Variants in TBC1D10A observed in about 807,000 individuals in gnomAD.
TBC1D10A encodes the protein TBC1 domain family member 10A.
Under a neutral mutation model 52.9 loss-of-function variants are expected in TBC1D10A, and 24 were observed. The observed-to-expected ratio is 0.45, with a 90% confidence interval of 0.33 to 0.64. The LOEUF is 0.64. Ranked by LOEUF, TBC1D10A falls within the 30% of genes least tolerant of loss-of-function variation. TBC1D10A has a pLI of 0.02. For missense variants in TBC1D10A, 602 were observed against 687.9 expected, an observed-to-expected ratio of 0.88 and a Z score of 1.40; for synonymous variants, 278 against 282.9, an observed-to-expected ratio of 0.98 and a Z score of 0.17.
intron 1 of TBC1D10A, among the ~76,000 whole-genome samples, chr22:30,321,513 G>T (rs908780221): frequency 6.6e-6 from 1 of 152,244 alleles, no homozygotes; most frequent in Non-Finnish European, 1.5e-5. Context: ...CCAGTTCTAT[G>T]ATTTCCAAAG....
chr22:30,313,512 T>C (rs954811708), intron 1 of TBC1D10A, among the ~76,000 whole-genome samples: 3 of 148,898 alleles, frequency 2.0e-5, no homozygotes, highest in African/African-American at 7.5e-5. Context: ...GCCTCCTGAG[T>C]AGCTGGGACT....
At chr22:30,320,125 C>G (rs1930622703) in intron 1 of TBC1D10A, among the ~76,000 whole-genome samples, 1 of 152,186 alleles carries the variant, frequency 6.6e-6, no homozygotes. Context: ...TACAAAGTAA[C>G]ACTTCTTCCA....
chr22:30,310,909 G>A (rs2032483440), intron 1 of TBC1D10A, among the ~76,000 whole-genome samples: 2 of 152,190 alleles, frequency 1.3e-5, no homozygotes, highest in African/African-American at 4.8e-5. Context: ...GAGAAAGGCA[G>A]GGGTGAATAA....
intron 1 of TBC1D10A, among the ~76,000 whole-genome samples, chr22:30,321,622 A>G (rs1930654074): frequency 6.6e-6 from 1 of 152,204 alleles, no homozygotes; most frequent in Non-Finnish European, 1.5e-5. Context: ...CCTTGCTCCC[A>G]TAACAGGAAG....
At chr22:30,296,676 G>A (rs961631956) in intron 3 of TBC1D10A, 1 of 152,124 alleles carries the variant, frequency 6.6e-6, no homozygotes, top group African/African-American at 2.4e-5. Context: ...ATCTTTTCTT[G>A]GTCATTTGAA....
At chr22:30,294,915 C>G (rs77539689) in intron 5 of TBC1D10A, 26 bp downstream of exon 5, 15 of 1,613,900 alleles carry the variant, frequency 9.3e-6, no homozygotes, top group South Asian at 5.5e-5. Flanking sequence ...CACCCACCCC[C>G]CTGCCTGCCC....
At chr22:30,316,936 G>C (rs1930549806) in intron 1 of TBC1D10A, among the ~76,000 whole-genome samples, 1 of 152,126 alleles carries the variant, frequency 6.6e-6, no homozygotes, top group African/African-American at 2.4e-5. Context: ...CTACTCAGGA[G>C]GCTGAGGTGG....
At chr22:30,314,580 C>T (rs1278533828) in intron 1 of TBC1D10A, among the ~76,000 whole-genome samples, 2 of 151,980 alleles carry the variant, frequency 1.3e-5, no homozygotes, top group Non-Finnish European at 2.9e-5. Flanking sequence ...GAGGCAGAGG[C>T]CAGAGGATTG....
chr22:30,293,644 G>C lies in TBC1D10A; in HGVS notation c.1050+7C>G, dbSNP rs779995845. ...TCCCCATGATAAGGGGCAGGCATGG[G>C]CTGTACCTCCTGGACCAGAAAGGCC... On this transcript the variant is annotated splice_region_variant and intron_variant, in intron 8 of 8. Transcript: ENST00000215790. The C allele has an allele frequency of 6.2e-7, 1 of 1,603,782 alleles. No homozygotes were observed. The highest frequency in any genetic ancestry group is 1.7e-5 in the Admixed American group (1 of 59,650).
intron 1 of TBC1D10A, among the ~76,000 whole-genome samples, chr22:30,325,476 G>T (rs1023099930): frequency 6.6e-6 from 1 of 152,190 alleles, no homozygotes; most frequent in Non-Finnish European, 1.5e-5. Context: ...AGGGCCCCAG[G>T]AGCTCCTACT....
In TBC1D10A at chr22:30,297,100, T is replaced by A. The variant is rs1037850244; in HGVS notation, c.418-1257A>T. 6.6e-6 allele frequency: 1 copy of A among 152,364 alleles called. No individual in the cohort carries two copies. The highest frequency in any genetic ancestry group is 2.4e-5 in the African/African-American group (1 of 41,560). The allele number at this position is 152,364 out of a possible 1,614,324, so 9.4% of individuals were successfully genotyped here. A position where few individuals can be genotyped will look rare whatever the true frequency, so the allele number is the denominator to read the frequency against. On this transcript the variant is annotated intron_variant, in intron 3 of 8. Coordinates refer to ENST00000215790, the MANE Select transcript of TBC1D10A (RefSeq NM_031937.3). This position sits in a 1 kb window ranked among gnomAD's most constrained non-coding sequence, Gnocchi z 4.3. Reference sequence around the variant, plus strand: ...CCCTCTCTGGCCCTCAGTGGGAGTGTCCTAGCATTAAGCTCAAGAACCTAG... The same window carrying A: ...CCCTCTCTGGCCCTCAGTGGGAGTGACCTAGCATTAAGCTCAAGAACCTAG...
intron 1 of TBC1D10A, chr22:30,318,625 C>T (rs1454544271): frequency 2.1e-6 from 1 of 471,028 alleles, no homozygotes; most frequent in African/African-American, 2.0e-5. Flanking sequence ...TGTAAGAGGC[C>T]AAAGCCACTT....
At chr22:30,293,506 A>G in intron 8 of TBC1D10A, 145 bp downstream of exon 8, 1 of 1,193,622 alleles carries the variant, frequency 8.4e-7, no homozygotes, top group Non-Finnish European at 1.2e-6. Flanking sequence ...CAGAAGGATG[A>G]GGTCCACCCA....
chr22:30,315,874 G>C (rs1930525915), intron 1 of TBC1D10A, among the ~76,000 whole-genome samples: 1 of 152,160 alleles, frequency 6.6e-6, no homozygotes, highest in African/African-American at 2.4e-5. Flanking sequence ...CAGACACTTG[G>C]GGCTGGGCTG....
At chr22:30,311,643 C>T (rs920665179) in intron 1 of TBC1D10A, among the ~76,000 whole-genome samples, 2 of 152,186 alleles carry the variant, frequency 1.3e-5, no homozygotes, top group Non-Finnish European at 2.9e-5. Context: ...CTACTCTGCT[C>T]AGCTCCACCC....
In TBC1D10A at chr22:30,293,428, C is replaced by T; in HGVS notation, c.1050+223G>A. 4.0e-6 allele frequency: 3 copies of T among 754,730 alleles called. No homozygotes were observed. In the South Asian group the frequency reaches 4.5e-5, roughly 11 times the overall value. 46.8% of individuals were successfully genotyped at this position (754,730 alleles called of 1,614,324 possible). ...CCGTGGGTCAACATTCTTCTTCATT[C>T]CCAAGCGGCTCGGATCCAGAAGGCC... On this transcript the variant is annotated intron_variant, in intron 8 of 8. Coordinates refer to ENST00000215790, the MANE Select transcript of TBC1D10A (RefSeq NM_031937.3).
At chr22:30,305,887 A>T (rs1930301166) in intron 1 of TBC1D10A, among the ~76,000 whole-genome samples, 1 of 152,216 alleles carries the variant, frequency 6.6e-6, no homozygotes, top group Admixed American at 6.5e-5. Flanking sequence ...CAACGCACTG[A>T]TACAAGGCAC....
chr22:30,326,898 G>C lies in TBC1D10A; in HGVS notation c.-17C>G, dbSNP rs1464641189. On this transcript the variant is annotated 5_prime_UTR_variant, in exon 1 of 9. Transcript: ENST00000215790. ...CTTCGCCATCCCAGCCGCGCCCGCC[G>C]CCTGAGCTCCAGCGGCCACCTCAGC... 1.4e-6 allele frequency: 2 copies of C among 1,463,222 alleles called. No homozygotes were observed. Among genetic ancestry groups the C allele is most frequent in the Admixed American group, 2.5e-5 (1 of 39,254 alleles). 90.6% of individuals were successfully genotyped at this position (1,463,222 alleles called of 1,614,324 possible). A position where few individuals can be genotyped will look rare whatever the true frequency, so the allele number is the denominator to read the frequency against.
At chr22:30,311,891 T>C (rs542172567) in intron 1 of TBC1D10A, among the ~76,000 whole-genome samples, 1 of 152,206 alleles carries the variant, frequency 6.6e-6, no homozygotes, top group Admixed American at 6.5e-5. Flanking sequence ...CTCCTGGGCT[T>C]AAGCCATCCT....
Sources: allele counts gnomAD v4.1 joint callset (sites outside exome capture counted in the v4.1 genomes callset), GRCh38; gene constraint gnomAD v4.1.1; non-coding constraint Gnocchi (gnomAD v3.1); transcripts MANE v1.5; gene names NCBI Gene and HGNC (gene_info 2026-07-23, HGNC 2026-07-21).